CUBN: variants seen among roughly 807,000 people sequenced by gnomAD.
The protein encoded by CUBN is cubilin, also known as 460 kDa receptor.
In CUBN, 282 loss-of-function variants were observed where a neutral mutation model predicts 405.3. The observed-to-expected ratio is 0.70, with a 90% CI of 0.63 to 0.77. CUBN has a LOEUF of 0.77. CUBN is among the 30% of genes least tolerant of loss of function. The pLI is 0.00. For synonymous variants in CUBN, 1,684 were observed against 1,617.0 expected (o/e 1.04, Z -0.99); for missense variants, 4,514 against 4,475.2 (o/e 1.01, Z -0.25).
intron 4 of CUBN, among the ~76,000 whole-genome samples, chr10:17,124,962 G>C (rs140140286): frequency 6.6e-6 from 1 of 152,000 alleles, no homozygotes; most frequent in Admixed American, 6.6e-5. Flanking sequence ...CTCCTCAGTA[G>C]CTGGGACTAC....
At chr10:17,101,099 T>G (rs568212964) in intron 13 of CUBN, among the ~76,000 whole-genome samples, 2 of 152,150 alleles carry the variant, frequency 1.3e-5, no homozygotes, top group Non-Finnish European at 2.9e-5. Context: ...ATATAAGGAA[T>G]TTTTTAAATT....
intron 31 of CUBN, among the ~76,000 whole-genome samples, chr10:16,981,703 C>T (rs1308154173): frequency 6.6e-6 from 1 of 152,174 alleles, no homozygotes; most frequent in Non-Finnish European, 1.5e-5. Flanking sequence ...TCGTTCACCC[C>T]GGTTCCTGCA....
At chr10:16,856,968 T>C (rs1056483581) in intron 59 of CUBN, among the ~76,000 whole-genome samples, 1 of 152,192 alleles carries the variant, frequency 6.6e-6, no homozygotes, top group South Asian at 2.1e-4. Flanking sequence ...TTATCCTTTT[T>C]TGGAATCAGC....
intron 29 of CUBN, among the ~76,000 whole-genome samples, chr10:16,988,678 T>C (rs965481606): frequency 6.6e-6 from 1 of 152,152 alleles, no homozygotes; most frequent in Non-Finnish European, 1.5e-5. Flanking sequence ...GGTAAGAACT[T>C]GTTTTATAAT....
chr10:16,876,850 A>G (rs374601344), intron 57 of CUBN, 47 bp downstream of exon 57: 28 of 1,508,124 alleles, frequency 1.9e-5, no homozygotes, highest in African/African-American at 2.8e-5. Context: ...TGTATACATT[A>G]CTCAGAAAAG....
chr10:16,959,822 A>G (rs1036910447), intron 31 of CUBN, among the ~76,000 whole-genome samples: 1 of 152,192 alleles, frequency 6.6e-6, no homozygotes, highest in Non-Finnish European at 1.5e-5. Flanking sequence ...AGCAAATGAT[A>G]TTACTATTGG....
chr10:16,988,717 G>A (rs932383391), intron 29 of CUBN, among the ~76,000 whole-genome samples: 3 of 151,996 alleles, frequency 2.0e-5, no homozygotes, highest in Non-Finnish European at 4.4e-5. Context: ...TTCCTGTAAC[G>A]TCCATACTAT....
At chr10:16,853,408 G>C (rs1005722549) in intron 59 of CUBN, among the ~76,000 whole-genome samples, 4 of 152,266 alleles carry the variant, frequency 2.6e-5, no homozygotes, top group South Asian at 2.1e-4. Context: ...TCAACATTAG[G>C]GGGTGCTAAG....
chr10:17,038,733 A>G (rs1217168246), intron 27 of CUBN, among the ~76,000 whole-genome samples: 1 of 152,198 alleles, frequency 6.6e-6, no homozygotes, highest in Non-Finnish European at 1.5e-5. Flanking sequence ...AATTTCCATC[A>G]TAGACCAGCT....
rs1323936195 is a variant in CUBN at position 16,984,227 on chromosome 10, T to C, written c.4403A>G (p.Gln1468Arg). The change falls in exon 30 of 67, where the codon CAG becomes CGG. Residue 1468 changes from glutamine to arginine, a missense_variant. By Grantham distance (43) the Gln-to-Arg change is conservative. Around this residue, in one of 5 missense-constraint regions of CUBN, gnomAD observed 1,613 missense variants for 1,542.8 expected, o/e 1.05. Coordinates refer to ENST00000377833, the MANE Select transcript of CUBN (RefSeq NM_001081.4). ...CTGCATGGGGTTCTCAGGTGATCTC[T>C]GGGTACACAGTTGGGCTATTCTGGG... ...HSPRIAQLCT[Q>R]RSPENPMQVS... The C allele has an allele frequency of 1.9e-6, 3 of 1,614,020 alleles. No individual in the cohort carries two copies. Among genetic ancestry groups the C allele is most frequent in the African/African-American group, 2.7e-5 (2 of 74,916 alleles).
At chr10:16,954,611 C>T (rs1040816882) in intron 31 of CUBN, 63 bp from the exon 32 acceptor site, 45 of 1,566,942 alleles carry the variant, frequency 2.9e-5, no homozygotes, top group Middle Eastern at 2.2e-4. Context: ...CTGTATTCCA[C>T]GAACTGTCTG....
intron 29 of CUBN, among the ~76,000 whole-genome samples, chr10:16,984,911 A>G (rs1833374119): frequency 6.6e-6 from 1 of 152,210 alleles, no homozygotes; most frequent in Non-Finnish European, 1.5e-5. Context: ...AGCCTAAGGA[A>G]GGGGATGCTA....
At chr10:17,070,709 C>A (rs1835721188) in intron 19 of CUBN, among the ~76,000 whole-genome samples, 1 of 152,066 alleles carries the variant, frequency 6.6e-6, no homozygotes, top group Non-Finnish European at 1.5e-5. Flanking sequence ...ATATTTTGAT[C>A]TCATAACCCA....
chr10:17,024,987 G>T (rs1257930418), intron 27 of CUBN, among the ~76,000 whole-genome samples: 1 of 152,082 alleles, frequency 6.6e-6, no homozygotes, highest in Non-Finnish European at 1.5e-5. Context: ...AGTTCATGTA[G>T]AAAAAGCAAC....
At chr10:17,122,738 A>C in intron 6 of CUBN, 57 bp downstream of exon 6, 2 of 987,702 alleles carry the variant, frequency 2.0e-6, no homozygotes, top group Admixed American at 1.9e-5. Flanking sequence ...TAACTATGGG[A>C]TGTTTTAGGC....
At chr10:16,895,252 T>C (rs189398077) in intron 54 of CUBN, among the ~76,000 whole-genome samples, 4 of 152,296 alleles carry the variant, frequency 2.6e-5, no homozygotes, top group African/African-American at 7.2e-5. Flanking sequence ...TCTCAGGATA[T>C]GATCTACCTT....
rs777924582 is a variant in CUBN at position 16,900,606 on chromosome 10, G to A, written c.8410+19C>T. 1.2e-5 allele frequency: 18 copies of A among 1,559,046 alleles called. No individual in the cohort carries two copies. The highest frequency in any genetic ancestry group is 1.7e-5 in the Admixed American group (1 of 59,932). On this transcript the variant is annotated intron_variant, in intron 53 of 66. Coordinates refer to ENST00000377833, the MANE Select transcript of CUBN (RefSeq NM_001081.4). ...ACATCACTAAAAAGAAAATCAAATGGAGCAAACATTTCTTTTACCTAAAGT... is the reference window on the plus strand; with the variant it reads ...ACATCACTAAAAAGAAAATCAAATGAAGCAAACATTTCTTTTACCTAAAGT...
At chr10:16,997,053 C>G (rs1182563153) in intron 28 of CUBN, among the ~76,000 whole-genome samples, 1 of 151,456 alleles carries the variant, frequency 6.6e-6, no homozygotes. Flanking sequence ...AGCTTTTTTT[C>G]TATAACTTAA....
At chr10:17,016,775 G>C (rs892776098) in intron 28 of CUBN, among the ~76,000 whole-genome samples, 1 of 152,050 alleles carries the variant, frequency 6.6e-6, no homozygotes, top group Non-Finnish European at 1.5e-5. Flanking sequence ...AATAGGGAGC[G>C]GAGCTATAGG....
Sources: allele counts gnomAD v4.1 joint callset (sites outside exome capture counted in the v4.1 genomes callset), GRCh38; gene constraint gnomAD v4.1.1; regional missense constraint gnomAD v4.1.1; transcripts MANE v1.5; gene names NCBI Gene and HGNC (gene_info 2026-07-23, HGNC 2026-07-21).